The following KCTD7 variants were observed in gnomAD, a reference collection of about 807,000 sequenced individuals.
The protein encoded by KCTD7 is potassium channel tetramerization domain containing 7.
In KCTD7, 15 loss-of-function variants were observed where a neutral mutation model predicts 27.0. The observed-to-expected ratio is 0.56, with a 90% confidence interval of 0.37 to 0.86. KCTD7 has a LOEUF of 0.86. Among genes scored for constraint, KCTD7 ranks in the 40% least tolerant of loss-of-function variants. The probability of loss-of-function intolerance (pLI) is 0.00; values close to 1 mark genes in which losing one functional copy is unlikely to be tolerated. For synonymous variants in KCTD7, 159 were observed against 162.7 expected (o/e 0.98, Z 0.17); for missense variants, 299 against 398.9 (o/e 0.75, Z 2.13).
rs1344971976 is a variant in KCTD7 at position 66,640,601 on chromosome 7, GA to G, written c.*1370del. 4 of 1,380,992 alleles carry G rather than the reference GA, an allele frequency of 2.9e-6. No homozygotes were observed. In the South Asian group the frequency reaches 7.1e-5, roughly 25 times the overall value. The allele number at this position is 1,380,992 out of a possible 1,614,324, so 85.5% of individuals were successfully genotyped here. On this transcript the variant is annotated 3_prime_UTR_variant, in exon 4 of 4. Coordinates refer to ENST00000639828, the MANE Select transcript of KCTD7 (RefSeq NM_153033.5). ...ACCTGTCTCTTCCTGGGTAAAGGGAGATTTTTTTTTTTAATGTGTAAAGAAT... is the reference window on the plus strand; with the variant it reads ...ACCTGTCTCTTCCTGGGTAAAGGGAGTTTTTTTTTTTAATGTGTAAAGAAT...
chr7:66,639,511 G>A lies in KCTD7; in HGVS notation c.*279G>A. 1 of 1,395,462 alleles carries A rather than the reference G, an allele frequency of 7.2e-7. No homozygotes were observed. Among genetic ancestry groups the A allele is most frequent in the Non-Finnish European group, 9.3e-7 (1 of 1,074,106 alleles). 86.4% of individuals were successfully genotyped at this position (1,395,462 alleles called of 1,614,324 possible). On this transcript the variant is annotated 3_prime_UTR_variant, in exon 4 of 4. Coordinates refer to ENST00000639828, the MANE Select transcript of KCTD7 (RefSeq NM_153033.5). ...TCTTTCCTTGAGGCTGATAGCTAGGGCTTGACCAGGAAGTCCCGAGAAGTT... is the reference window on the plus strand; with the variant it reads ...TCTTTCCTTGAGGCTGATAGCTAGGACTTGACCAGGAAGTCCCGAGAAGTT...
At chr7:66,633,624 AAGAC>A (rs1003043263) in intron 2 of KCTD7, among the ~76,000 whole-genome samples, 180 bp downstream of exon 2, 4 of 151,726 alleles carry the variant, frequency 2.6e-5, no homozygotes, top group Admixed American at 2.6e-4. Flanking sequence ...AAAGGAGACA[AAGAC>A]AGCCAGAGAA....
At chr7:66,636,432 A>G (rs912555585) in intron 2 of KCTD7, among the ~76,000 whole-genome samples, 1 of 151,636 alleles carries the variant, frequency 6.6e-6, no homozygotes, top group Non-Finnish European at 1.5e-5. Context: ...ACACACCCCC[A>G]ATGTCATTGA....
At chr7:66,643,106 CTT>C (rs1279483208), downstream of KCTD7, 2 of 985,332 alleles carry the variant, frequency 2.0e-6, no homozygotes, top group African/African-American at 3.5e-5. Flanking sequence ...CTGACCCCCA[CTT>C]TGCCAGCAAA....
At position 66,642,035 on chromosome 7, in the gene KCTD7, G is replaced by C. The variant is rs1584401541; in HGVS notation, c.*2803G>C. 1.0e-6 allele frequency: 1 copy of C among 985,312 alleles called. No homozygotes were observed. Among genetic ancestry groups the C allele is most frequent in the Non-Finnish European group, 1.2e-6 (1 of 829,956 alleles). The allele number at this position is 985,312 out of a possible 1,614,324, so 61.0% of individuals were successfully genotyped here. The stretch of plus-strand genomic sequence containing the variant: ...AGGGACTGGATTCATCTTGCCTTGA[G>C]ACGGGCCAGTAGTTATCAGTGAGTC... On this transcript the variant is annotated 3_prime_UTR_variant, in exon 4 of 4. Transcript: ENST00000639828.
chr7:66,638,237 T>C lies in KCTD7; in HGVS notation c.315-16T>C, dbSNP rs1213914650. 3.1e-6 allele frequency: 5 copies of C among 1,614,164 alleles called. No homozygotes were observed. The South Asian group carries it at 5.5e-5, about 18-fold the overall frequency. ...CATAAGCTCCTTGTCACCGACCCTC[T>C]TTCCTTCCTGCTTAGAGATGTGCTG... is the stretch of plus-strand genomic sequence containing the variant. On this transcript the variant is annotated splice_polypyrimidine_tract_variant and intron_variant, in intron 2 of 3. Transcript: ENST00000639828.
intron 1 of KCTD7, among the ~76,000 whole-genome samples, chr7:66,632,970 A>G (rs1181823034): frequency 1.3e-5 from 2 of 151,874 alleles, no homozygotes; most frequent in Non-Finnish European, 2.9e-5. Context: ...AGGCAGGAGA[A>G]TGGCGTGAAC....
Position 66,640,995 on chromosome 7 carries a change from G to T in KCTD7, c.*1763G>T, listed in dbSNP as rs1014355534. ...TTGGCTGAATTCCTCCGTGGGGCTG[G>T]ACGGCAGTGATCTCCTGTTCCCTAT... On this transcript the variant is annotated 3_prime_UTR_variant, in exon 4 of 4. Transcript: ENST00000639828. The T allele has an allele frequency of 2.0e-6, 2 of 985,438 alleles. No homozygotes were observed. Among genetic ancestry groups the T allele is most frequent in the African/African-American group, 3.5e-5 (2 of 57,232 alleles). 61.0% of individuals were successfully genotyped at this position (985,438 alleles called of 1,614,324 possible).
Position 66,642,466 on chromosome 7 carries a change from G to A in KCTD7, c.*3234G>A, listed in dbSNP as rs973433847. The A allele has an allele frequency of 1.0e-5, 10 of 985,360 alleles. No individual in the cohort carries two copies. In the African/African-American group the frequency reaches 1.6e-4, roughly 15 times the overall value. The allele number at this position is 985,360 out of a possible 1,614,324, so 61.0% of individuals were successfully genotyped here. A position where few individuals can be genotyped will look rare whatever the true frequency, so the allele number is the denominator to read the frequency against. On this transcript the variant is annotated 3_prime_UTR_variant, in exon 4 of 4. Transcript: ENST00000639828. ...TAGGAAGTGACATTTATAAGACACA[G>A]GCGGTGTGAGCATCCATGTGTGGTC...
rs916528162 is a variant in KCTD7 at position 66,628,891 on chromosome 7, G to T, written c.-174G>T. On this transcript the variant is annotated 5_prime_UTR_variant, in exon 1 of 4. Coordinates refer to ENST00000639828, the MANE Select transcript of KCTD7 (RefSeq NM_153033.5). ...GTCGGGTCAGGCCCCAGCTGGGCGC[G>T]AGCGGGTCGGCGTTGAGGGAGCCAC... is the stretch of plus-strand genomic sequence containing the variant. 18 of 518,342 alleles carry T rather than the reference G, an allele frequency of 3.5e-5. No individual in the cohort carries two copies. The highest frequency in any genetic ancestry group is 4.6e-5 in the Non-Finnish European group (15 of 329,168). 32.1% of individuals were successfully genotyped at this position (518,342 alleles called of 1,614,324 possible).
Position 66,641,422 on chromosome 7 carries a change from C to T in KCTD7, c.*2190C>T, listed in dbSNP as rs1435600618. 5 of 985,290 alleles carry T rather than the reference C, an allele frequency of 5.1e-6. No individual in the cohort carries two copies. Among genetic ancestry groups the T allele is most frequent in the Non-Finnish European group, 1.2e-6 (1 of 829,940 alleles). The allele number at this position is 985,290 out of a possible 1,614,324, so 61.0% of individuals were successfully genotyped here. ...TCTGCTTCCCCCTTCTCCCATGGAG[C>T]ATGGCAGGGCTTGGTTATTTAGAGT... On this transcript the variant is annotated 3_prime_UTR_variant, in exon 4 of 4. Transcript: ENST00000639828.
intron 2 of KCTD7, among the ~76,000 whole-genome samples, chr7:66,634,019 ATTAT>A (rs1422336289): frequency 5.3e-5 from 8 of 150,608 alleles, no homozygotes; most frequent in African/African-American, 1.5e-4. Flanking sequence ...TTATTTATTT[ATTAT>A]TTATTTATTT....
chr7:66,631,080 A>G lies in KCTD7; in HGVS notation c.144+1872A>G, dbSNP rs150141264. Among the ~76,000 whole-genome samples the G allele has an allele frequency of 1.5e-3, 226 of 152,342 alleles. 2 individuals are homozygous for G. In the East Asian group the frequency reaches 0.026, roughly 18 times the overall value. ...TGTCCTGTGGGTGCAGAAGAGTAAC[A>G]GTGCATACACACACGGAAGTGTAAC... On this transcript the variant is annotated intron_variant, in intron 1 of 3. Coordinates refer to ENST00000639828, the MANE Select transcript of KCTD7 (RefSeq NM_153033.5).
At chr7:66,634,230 A>ATCTATC (rs1562647997) in intron 2 of KCTD7, among the ~76,000 whole-genome samples, 2 of 110,980 alleles carry the variant, frequency 1.8e-5, no homozygotes, top group Non-Finnish European at 3.7e-5. Context: ...ATCTATCTAT[A>ATCTATC]AAAATAAAGA....
Position 66,639,523 on chromosome 7 carries a change from A to T in KCTD7, c.*291A>T. 7.2e-7 allele frequency: 1 copy of T among 1,384,780 alleles called. No individual in the cohort carries two copies. Among genetic ancestry groups the T allele is most frequent in the Non-Finnish European group, 9.4e-7 (1 of 1,067,336 alleles). The allele number at this position is 1,384,780 out of a possible 1,614,324, so 85.8% of individuals were successfully genotyped here. A position where few individuals can be genotyped will look rare whatever the true frequency, so the allele number is the denominator to read the frequency against. ...GCTGATAGCTAGGGCTTGACCAGGA[A>T]GTCCCGAGAAGTTTTGTCACCTTCT... On this transcript the variant is annotated 3_prime_UTR_variant, in exon 4 of 4. Transcript: ENST00000639828.
chr7:66,637,595 A>G (rs1786616974), intron 2 of KCTD7, among the ~76,000 whole-genome samples: 1 of 152,218 alleles, frequency 6.6e-6, no homozygotes, highest in South Asian at 2.1e-4. Context: ...ATACATTTCA[A>G]AAACATTATG....
Position 66,640,378 on chromosome 7 carries a change from T to C in KCTD7, c.*1146T>C, listed in dbSNP as rs1419949314. ...TCACTCCTGTATATTTTGGTTTACT[T>C]ACTCCTCTATTTCAGAAATTGAAAA... On this transcript the variant is annotated 3_prime_UTR_variant, in exon 4 of 4. Transcript: ENST00000639828. The C allele has an allele frequency of 6.5e-7, 1 of 1,537,250 alleles. No individual in the cohort carries two copies. The highest frequency in any genetic ancestry group is 8.7e-7 in the Non-Finnish European group (1 of 1,146,848).
Position 66,639,393 on chromosome 7 carries a change from T to C in KCTD7, c.*161T>C, listed in dbSNP as rs1339972181. The C allele has an allele frequency of 4.6e-6, 7 of 1,513,326 alleles. No homozygotes were observed. The highest frequency in any genetic ancestry group is 6.2e-6 in the Non-Finnish European group (7 of 1,133,840). 93.7% of individuals were successfully genotyped at this position (1,513,326 alleles called of 1,614,324 possible). A position where few individuals can be genotyped will look rare whatever the true frequency, so the allele number is the denominator to read the frequency against. Reference sequence around the variant, plus strand: ...CCAGGGGACAGAGGTGTAGCTCCAATCTCCCTGACTGCACCTCAGGGTTGG... The same window carrying C: ...CCAGGGGACAGAGGTGTAGCTCCAACCTCCCTGACTGCACCTCAGGGTTGG... On this transcript the variant is annotated 3_prime_UTR_variant, in exon 4 of 4. Transcript: ENST00000639828.
At chr7:66,636,337 G>A (rs770031219) in intron 2 of KCTD7, among the ~76,000 whole-genome samples, 8 of 151,960 alleles carry the variant, frequency 5.3e-5, no homozygotes, top group Non-Finnish European at 1.0e-4. Flanking sequence ...TGAGCCTCTG[G>A]CAGCGGTGGC....
Sources: gnomAD v4.1 joint callset for allele counts (sites outside exome capture counted in the v4.1 genomes callset) on GRCh38, gnomAD v4.1.1 for gene constraint, MANE v1.5 for transcripts, NCBI Gene and HGNC (gene_info 2026-07-23, HGNC 2026-07-21) for gene names.